Variants in FRMD4A observed in about 807,000 individuals in gnomAD.
The protein encoded by FRMD4A is FERM domain-containing protein 4A.
FRMD4A carries 29 observed loss-of-function variants against 129.1 expected under a neutral mutation model. That is an observed-to-expected ratio of 0.22 (90% CI 0.17 to 0.31). The LOEUF (loss-of-function observed/expected upper bound fraction) is 0.31, where lower values mean the gene tolerates loss of function less well. FRMD4A is among the 10% of genes least tolerant of loss of function. The probability of loss-of-function intolerance (pLI) is 1.00; values close to 1 mark genes in which losing one functional copy is unlikely to be tolerated. For missense variants in FRMD4A, 1,272 were observed against 1,375.8 expected (o/e 0.92, Z 1.19); for synonymous variants, 634 against 571.6 (o/e 1.11, Z -1.56).
chr10:14,098,376 T>C (rs1425885021), intron 2 of FRMD4A, among the ~76,000 whole-genome samples: 1 of 151,144 alleles, frequency 6.6e-6, no homozygotes, highest in East Asian at 1.9e-4. Context: ...AGGAAATACT[T>C]CTGAATATGG....
intron 5 of FRMD4A, among the ~76,000 whole-genome samples, chr10:13,795,617 G>C (rs1229348353): frequency 1.3e-5 from 2 of 152,206 alleles, no homozygotes; most frequent in African/African-American, 4.8e-5. Context: ...TGGCATGGGT[G>C]TAAGTGTTAG....
At chr10:14,029,243 A>G (rs1192387273) in intron 2 of FRMD4A, among the ~76,000 whole-genome samples, 1 of 152,164 alleles carries the variant, frequency 6.6e-6, no homozygotes, top group Non-Finnish European at 1.5e-5. Flanking sequence ...TTCAAATAAA[A>G]TAGAAGTCTC....
intron 2 of FRMD4A, among the ~76,000 whole-genome samples, chr10:14,207,804 T>G (rs973556146): frequency 1.4e-4 from 22 of 152,174 alleles, no homozygotes; most frequent in Admixed American, 1.4e-3. Context: ...TATACTTTTT[T>G]ATTTCCCTCT....
At chr10:13,857,901 G>A (rs1427732072) in intron 3 of FRMD4A, among the ~76,000 whole-genome samples, 1 of 152,208 alleles carries the variant, frequency 6.6e-6, no homozygotes, top group African/African-American at 2.4e-5. Flanking sequence ...ACAATGGTCT[G>A]TTTAAGAACA....
intron 2 of FRMD4A, among the ~76,000 whole-genome samples, chr10:14,175,804 T>G (rs1427281060): frequency 7.2e-5 from 11 of 152,208 alleles, no homozygotes; most frequent in Admixed American, 1.3e-4. Context: ...GGATTACAGA[T>G]GTGAGCCGCT....
intron 13 of FRMD4A, among the ~76,000 whole-genome samples, chr10:13,706,472 G>T (rs2087457215): frequency 6.6e-6 from 1 of 152,098 alleles, no homozygotes; most frequent in Non-Finnish European, 1.5e-5. Context: ...ACGATTTTGG[G>T]TGGAGGGAAA....
At chr10:14,301,631 C>T (rs1846189599) in intron 2 of FRMD4A, among the ~76,000 whole-genome samples, 1 of 152,008 alleles carries the variant, frequency 6.6e-6, no homozygotes, top group South Asian at 2.1e-4. Context: ...GATTTTTTTT[C>T]ATTTGCATTA....
intron 2 of FRMD4A, among the ~76,000 whole-genome samples, chr10:13,945,794 T>C (rs2095327065): frequency 1.3e-5 from 2 of 152,172 alleles, no homozygotes; most frequent in Non-Finnish European, 2.9e-5. Context: ...GAGGGAACTA[T>C]GCATTTGGCT....
intron 8 of FRMD4A, chr10:13,756,002 T>C (rs2091845461): frequency 6.6e-6 from 1 of 152,264 alleles, no homozygotes; most frequent in Non-Finnish European, 1.5e-5. Context: ...CAAGAATCTT[T>C]ACACGGAATT....
At chr10:14,270,272 T>C (rs1845119579) in intron 2 of FRMD4A, among the ~76,000 whole-genome samples, 1 of 152,226 alleles carries the variant, frequency 6.6e-6, no homozygotes, top group East Asian at 1.9e-4. Context: ...ATTCCCCTGA[T>C]AAATTCCTTC....
chr10:13,891,865 C>T (rs898104088), intron 2 of FRMD4A: 2 of 427,870 alleles, frequency 4.7e-6, no homozygotes, highest in African/African-American at 4.3e-5. Flanking sequence ...TGAGCCCCGC[C>T]GCCGGCCCGC....
At chr10:13,744,369 G>A (rs1256107552) in intron 9 of FRMD4A, 2 of 152,186 alleles carry the variant, frequency 1.3e-5, no homozygotes, top group African/African-American at 2.4e-5. Flanking sequence ...ATCGCACGGT[G>A]TGAAAAGTCC....
At chr10:13,829,736 C>A (rs1262493319) in intron 3 of FRMD4A, among the ~76,000 whole-genome samples, 1 of 152,212 alleles carries the variant, frequency 6.6e-6, no homozygotes, top group Non-Finnish European at 1.5e-5. Flanking sequence ...TTAGCCCCAA[C>A]CACCCTTAGT....
chr10:13,782,445 T>C (rs114398470), intron 6 of FRMD4A, among the ~76,000 whole-genome samples: 460 of 28,674 alleles, frequency 0.016, 2 homozygotes, highest in African/African-American at 0.025. Flanking sequence ...ATTATTATTA[T>C]TCCTTTTTTT....
In FRMD4A at chr10:13,666,148, G is replaced by C. The variant is rs148373152; in HGVS notation, c.1552C>G (p.Arg518Gly). The change falls in exon 18 of 25, where the codon CGC becomes GGC. Residue 518 changes from arginine to glycine, a missense_variant. Physicochemically the swap from Arg to Gly is moderately radical, Grantham distance 125 (BLOSUM62 -2). Coordinates refer to ENST00000357447, the MANE Select transcript of FRMD4A (RefSeq NM_018027.5). ...QEIENAINEN[R>G]IKSGKKPTQR... Reference sequence around the variant, plus strand: ...GTGGGTTTCTTCCCAGACTTGATGCGGTTCTCATTGATTGCATTTTCAATC... The same window carrying C: ...GTGGGTTTCTTCCCAGACTTGATGCCGTTCTCATTGATTGCATTTTCAATC... 1.2e-6 allele frequency: 2 copies of C among 1,613,412 alleles called. No individual in the cohort carries two copies. The highest frequency in any genetic ancestry group is 1.7e-6 in the Non-Finnish European group (2 of 1,179,382).
intron 2 of FRMD4A, among the ~76,000 whole-genome samples, chr10:14,071,471 T>A (rs968042088): frequency 6.6e-6 from 1 of 152,174 alleles, no homozygotes; most frequent in Non-Finnish European, 1.5e-5. Context: ...CATTTAAAAA[T>A]TGAAATGGAA....
intron 2 of FRMD4A, among the ~76,000 whole-genome samples, chr10:14,165,900 G>T (rs1283405902): frequency 6.6e-6 from 1 of 151,952 alleles, no homozygotes; most frequent in Non-Finnish European, 1.5e-5. Context: ...CTTTCTATTG[G>T]GTCCTATGTC....
intron 2 of FRMD4A, among the ~76,000 whole-genome samples, chr10:14,257,172 A>T (rs1051466788): frequency 6.6e-6 from 1 of 152,106 alleles, no homozygotes; most frequent in African/African-American, 2.4e-5. Context: ...CTCTACTAAA[A>T]ATACAAAAAT....
intron 14 of FRMD4A, among the ~76,000 whole-genome samples, chr10:13,700,827 T>C (rs1243682224): frequency 1.1e-5 from 1 of 91,882 alleles, no homozygotes; most frequent in African/African-American, 4.6e-5. Flanking sequence ...TTGCTTTTTT[T>C]TTTTTTTTTT....
Sources: allele counts gnomAD v4.1 joint callset (sites outside exome capture counted in the v4.1 genomes callset), GRCh38; gene constraint gnomAD v4.1.1; transcripts MANE v1.5; gene names NCBI Gene and HGNC (gene_info 2026-07-23, HGNC 2026-07-21).